The following LIMCH1 variants were observed in gnomAD, a reference collection of about 807,000 sequenced individuals.
The protein encoded by LIMCH1 is LIM and calponin homology domains 1.
A neutral mutation model predicts 176.5 loss-of-function variants in LIMCH1; 113 were observed. The ratio of observed to expected loss-of-function variants is 0.64; its 90% CI spans 0.55 to 0.75. LIMCH1 has a LOEUF of 0.75. LIMCH1 is among the 30% of genes least tolerant of loss of function. The pLI, the probability that LIMCH1 is intolerant of heterozygous loss-of-function variation, is 0.00. For missense variants in LIMCH1, 1,674 were observed against 1,814.9 expected, an observed-to-expected ratio of 0.92 and a Z score of 1.41; for synonymous variants, 619 against 645.9, an observed-to-expected ratio of 0.96 and a Z score of 0.63.
At chr4:41,398,512 G>C (rs2058051530) in intron 1 of LIMCH1, among the ~76,000 whole-genome samples, 1 of 152,076 alleles carries the variant, frequency 6.6e-6, no homozygotes. Context: ...GCTAGGAGTA[G>C]AACTTTGCTG....
intron 18 of LIMCH1, among the ~76,000 whole-genome samples, chr4:41,652,769 G>T (rs1305831846): frequency 1.3e-5 from 2 of 152,042 alleles, no homozygotes; most frequent in Admixed American, 1.3e-4. Context: ...AAAATTACAC[G>T]ATCTGAAAGA....
intron 2 of LIMCH1, among the ~76,000 whole-genome samples, chr4:41,502,224 C>T (rs929995590): frequency 1.3e-5 from 2 of 152,112 alleles, no homozygotes; most frequent in African/African-American, 4.8e-5. Context: ...ATCCATGTCT[C>T]TGCAAAGGAT....
chr4:41,587,667 G>A (rs1280071432), intron 1 of LIMCH1, among the ~76,000 whole-genome samples: 1 of 151,672 alleles, frequency 6.6e-6, no homozygotes, highest in Non-Finnish European at 1.5e-5. Context: ...TCCAATATAT[G>A]CCTATTTACA....
At chr4:41,523,639 A>G (rs1178211019) in intron 2 of LIMCH1, among the ~76,000 whole-genome samples, 2 of 151,968 alleles carry the variant, frequency 1.3e-5, no homozygotes, top group African/African-American at 4.8e-5. Context: ...TTACCCAATT[A>G]CCCCGATGCT....
At position 41,514,918 on chromosome 4, in the gene LIMCH1, A is replaced by G. The variant is rs549467094; in HGVS notation, c.168-9491A>G. Among the ~76,000 whole-genome samples the G allele has an allele frequency of 3.3e-5, 5 of 152,228 alleles. No individual in the cohort carries two copies. The East Asian group carries it at 9.6e-4, about 29-fold the overall frequency. ...CCCTATAGAAGCAGTTCGCTTCACA[A>G]AGTCTTATGTAACCCAAACCACATC... On this transcript the variant is annotated intron_variant, in intron 2 of 26. Transcript: ENST00000313860.
chr4:41,622,882 T>G (rs998998617), intron 7 of LIMCH1, among the ~76,000 whole-genome samples: 1 of 152,206 alleles, frequency 6.6e-6, no homozygotes, highest in African/African-American at 2.4e-5. Flanking sequence ...GCATTTAAAA[T>G]TGGGCTCTGG....
At chr4:41,471,244 C>T (rs6811996) in intron 1 of LIMCH1, among the ~76,000 whole-genome samples, 70,570 of 151,612 alleles carry the variant, frequency 0.47, 18,749 homozygotes, top group African/African-American at 0.74. Flanking sequence ...TAAAAATTAT[C>T]GTGCTAGTCA....
chr4:41,676,477 G>A lies in LIMCH1; in HGVS notation c.3519+15G>A, dbSNP rs528238430. The A allele has an allele frequency of 8.1e-6, 13 of 1,606,666 alleles. 1 individual carries two copies. The South Asian group carries it at 1.3e-4, about 16-fold the overall frequency. On this transcript the variant is annotated intron_variant, in intron 23 of 31. Coordinates refer to ENST00000503057, the MANE Select transcript of LIMCH1 (RefSeq NM_001330672.2). ...GTTTGCTCCAGGTAGGATGGAGTTT[G>A]CTGCTTTTTTTGTTTTTCCTTTTTT...
intron 1 of LIMCH1, among the ~76,000 whole-genome samples, chr4:41,476,602 C>T (rs150120139): frequency 4.0e-4 from 61 of 152,246 alleles, no homozygotes; most frequent in South Asian, 1.0e-3. Flanking sequence ...AGATTTCCTG[C>T]CATAATACAT....
chr4:41,441,110 C>T lies in LIMCH1; in HGVS notation c.97-53426C>T, dbSNP rs140794225. The stretch of plus-strand genomic sequence containing the variant: ...CCCTCTTCCCAACACTTTGCTGTGA[C>T]AAGTCAAAAATGCCATGTATTGCTA... On this transcript the variant is annotated intron_variant, in intron 1 of 26. Coordinates refer to the LIMCH1 transcript ENST00000313860. 4.4e-3 allele frequency among the ~76,000 whole-genome samples: 675 copies of T among 152,172 alleles called. 4 individuals are homozygous for T. Among genetic ancestry groups the T allele is most frequent in the Non-Finnish European group, 7.7e-3 (526 of 67,998 alleles).
chr4:41,598,859 G>C, intron 1 of LIMCH1, 61 bp from the exon 2 acceptor site: 1 of 1,074,974 alleles, frequency 9.3e-7, no homozygotes, highest in Non-Finnish European at 1.4e-6. Context: ...AACTTGGGAG[G>C]GGCTGGTTCA....
upstream of LIMCH1, chr4:41,538,113 T>G: frequency 2.1e-6 from 2 of 952,998 alleles, no homozygotes; most frequent in Non-Finnish European, 2.5e-6. Flanking sequence ...CCCTCTCCAA[T>G]AGGTGTGGCA....
intron 1 of LIMCH1, among the ~76,000 whole-genome samples, chr4:41,437,702 A>G (rs1195429556): frequency 6.6e-6 from 1 of 152,226 alleles, no homozygotes; most frequent in Non-Finnish European, 1.5e-5. Context: ...TATGCCTGCT[A>G]GTTGAAGTTA....
intron 1 of LIMCH1, among the ~76,000 whole-genome samples, chr4:41,452,063 C>T (rs996790491): frequency 1.3e-5 from 2 of 152,170 alleles, no homozygotes; most frequent in African/African-American, 4.8e-5. Flanking sequence ...TGGCTCTTCC[C>T]CTAGGCTCCA....
rs576818830 is a variant in LIMCH1, at chr4:41,632,773, C to A, written c.1626C>A (p.Asp542Glu). 1.3e-6 allele frequency: 2 copies of A among 1,536,282 alleles called. No individual in the cohort carries two copies. The highest frequency in any genetic ancestry group is 2.4e-5 in the South Asian group (2 of 84,060). Reference protein sequence around the residue: ...DCRTMNCGRGDYCRRASWLAP... With the variant: ...DCRTMNCGRGEYCRRASWLAP... ...GAACAATGAATTGTGGCCGAGGTGACTATTGCAGAAGGGCCTCGTGGCTGG... is the reference window on the plus strand; with the variant it reads ...GAACAATGAATTGTGGCCGAGGTGAATATTGCAGAAGGGCCTCGTGGCTGG... The change falls in exon 11 of 32, where the codon GAC (aspartate) becomes GAA (glutamate). Residue 542 changes from aspartate to glutamate, a missense_variant. By Grantham distance (45) the Asp-to-Glu change is conservative. Around this residue, in one of 3 missense-constraint regions of LIMCH1, gnomAD observed 655 missense variants for 692.2 expected, o/e 0.95. Coordinates refer to ENST00000503057, the MANE Select transcript of LIMCH1 (RefSeq NM_001330672.2).
intron 1 of LIMCH1, among the ~76,000 whole-genome samples, chr4:41,380,673 G>C (rs889873872): frequency 1.1e-4 from 16 of 152,034 alleles, no homozygotes; most frequent in Non-Finnish European, 1.9e-4. Context: ...GTGCAGCCAG[G>C]GTGGAGAACA....
chr4:41,546,387 T>C (rs1387852273), intron 1 of LIMCH1, among the ~76,000 whole-genome samples: 1 of 150,894 alleles, frequency 6.6e-6, no homozygotes, highest in Non-Finnish European at 1.5e-5. Flanking sequence ...GATCTGCCTC[T>C]CTCAGCCTCC....
At chr4:41,634,793 A>G (rs1214017967) in intron 13 of LIMCH1, among the ~76,000 whole-genome samples, 1 of 152,200 alleles carries the variant, frequency 6.6e-6, no homozygotes, top group Non-Finnish European at 1.5e-5. Flanking sequence ...ACAAATAAGA[A>G]GGCTGATGTA....
At chr4:41,694,179 T>C (rs1728603318) in intron 31 of LIMCH1, among the ~76,000 whole-genome samples, 1 of 152,152 alleles carries the variant, frequency 6.6e-6, no homozygotes, top group Admixed American at 6.5e-5. Flanking sequence ...ATGCAGTGTT[T>C]TACCAGGATT....
Sources: gnomAD v4.1 joint callset for allele counts (sites outside exome capture counted in the v4.1 genomes callset) on GRCh38, gnomAD v4.1.1 for gene constraint, gnomAD v4.1.1 regional missense constraint, MANE v1.5 for transcripts, NCBI Gene and HGNC (gene_info 2026-07-23, HGNC 2026-07-21) for gene names.